The following SNX29 variants were observed in gnomAD, a reference collection of about 807,000 sequenced individuals.
SNX29 encodes the protein sorting nexin-29.
SNX29 carries 78 observed loss-of-function variants against 102.1 expected under a neutral mutation model. The observed-to-expected ratio is 0.76, with a 90% CI of 0.64 to 0.92. The LOEUF is 0.92. SNX29 is among the 40% of genes least tolerant of loss of function. The pLI, the probability that SNX29 is intolerant of heterozygous loss-of-function variation, is 0.00. For synonymous variants in SNX29, 580 were observed against 414.5 expected, an observed-to-expected ratio of 1.40 and a Z score of -4.85; for missense variants, 1,280 against 1,061.7, an observed-to-expected ratio of 1.21 and a Z score of -2.86.
intron 14 of SNX29, among the ~76,000 whole-genome samples, chr16:12,272,498 T>C (rs1405112383): frequency 6.6e-6 from 1 of 152,242 alleles, no homozygotes; most frequent in Non-Finnish European, 1.5e-5. Context: ...CCAAGGTATC[T>C]GTGTCCTGGT....
intron 10 of SNX29, among the ~76,000 whole-genome samples, chr16:12,073,557 T>C (rs1379261557): frequency 2.0e-5 from 3 of 152,234 alleles, no homozygotes; most frequent in African/African-American, 7.2e-5. Flanking sequence ...TTCTGTTCTT[T>C]TACATTTGCT....
chr16:12,555,122 A>G (rs552114085), intron 20 of SNX29, among the ~76,000 whole-genome samples: 2,314 of 118,234 alleles, frequency 0.02, 56 homozygotes, highest in African/African-American at 0.053. Flanking sequence ...CAGAGTATCA[A>G]AAGGCTTATT....
chr16:12,135,423 A>G (rs2054623823), intron 13 of SNX29: 2 of 962,682 alleles, frequency 2.1e-6, no homozygotes, highest in Non-Finnish European at 2.9e-6. Flanking sequence ...CCAGGCCTGG[A>G]CAGTTGGGTT....
At chr16:12,282,944 A>C (rs2079482128) in intron 15 of SNX29, among the ~76,000 whole-genome samples, 1 of 152,224 alleles carries the variant, frequency 6.6e-6, no homozygotes, top group Non-Finnish European at 1.5e-5. Flanking sequence ...GGCGTGAGCC[A>C]CTGCACTCGG....
At chr16:12,412,097 A>T (rs534181981) in intron 18 of SNX29, among the ~76,000 whole-genome samples, 1 of 152,286 alleles carries the variant, frequency 6.6e-6, no homozygotes, top group Non-Finnish European at 1.5e-5. Flanking sequence ...CCGAAGTTCA[A>T]GGGCGGTTAC....
At chr16:12,171,000 C>A (rs1003827536) in intron 13 of SNX29, among the ~76,000 whole-genome samples, 2 of 151,958 alleles carry the variant, frequency 1.3e-5, no homozygotes, top group Admixed American at 6.6e-5. Flanking sequence ...AGGGGCGCAG[C>A]GTGATTTTAC....
At chr16:12,121,476 G>A (rs9935275) in intron 11 of SNX29, among the ~76,000 whole-genome samples, 2,989 of 152,366 alleles carry the variant, frequency 0.02, 43 homozygotes, top group South Asian at 0.08. Flanking sequence ...TGGCCCTTGG[G>A]TAGCCGCCTT....
At chr16:12,094,158 C>T (rs1014672459) in intron 11 of SNX29, among the ~76,000 whole-genome samples, 3 of 152,138 alleles carry the variant, frequency 2.0e-5, no homozygotes, top group African/African-American at 7.2e-5. Flanking sequence ...CCCTCTGACA[C>T]AGTTGTGAGG....
chr16:12,571,946 A>T lies in SNX29; in HGVS notation c.*3317A>T, dbSNP rs1567230608. 2 of 1,061,888 alleles carry T rather than the reference A, an allele frequency of 1.9e-6. No individual in the cohort carries two copies. The highest frequency in any genetic ancestry group is 5.4e-5 in the Admixed American group (1 of 18,612). The allele number at this position is 1,061,888 out of a possible 1,614,324, so 65.8% of individuals were successfully genotyped here. A position where few individuals can be genotyped will look rare whatever the true frequency, so the allele number is the denominator to read the frequency against. On this transcript the variant is annotated 3_prime_UTR_variant, in exon 21 of 21. Coordinates refer to ENST00000566228, the MANE Select transcript of SNX29 (RefSeq NM_032167.5). Reference sequence around the variant, plus strand: ...CTGGTGAAGGAAGACACTTTCAGGGAAGAGGCTCTTACAGTCTATGGTGGT... The same window carrying T: ...CTGGTGAAGGAAGACACTTTCAGGGTAGAGGCTCTTACAGTCTATGGTGGT...
intron 15 of SNX29, among the ~76,000 whole-genome samples, chr16:12,286,008 A>G (rs73506141): frequency 0.032 from 4,819 of 152,006 alleles, 246 homozygotes; most frequent in African/African-American, 0.11. Context: ...ATGCTCAGCT[A>G]ATTTTTGTAT....
At chr16:12,533,492 A>C (rs981332670) in intron 20 of SNX29, among the ~76,000 whole-genome samples, 1 of 152,208 alleles carries the variant, frequency 6.6e-6, no homozygotes, top group Non-Finnish European at 1.5e-5. Flanking sequence ...GTTCCTGGAC[A>C]GACTTGTCAC....
intron 17 of SNX29, among the ~76,000 whole-genome samples, chr16:12,402,652 A>G (rs2083991355): frequency 6.6e-6 from 1 of 152,184 alleles, no homozygotes; most frequent in African/African-American, 2.4e-5. Flanking sequence ...TCACATAACC[A>G]AAATATCTGT....
chr16:12,400,623 G>A (rs892958203), intron 17 of SNX29, among the ~76,000 whole-genome samples: 2 of 152,162 alleles, frequency 1.3e-5, no homozygotes, highest in African/African-American at 4.8e-5. Context: ...ACCAAAGCAG[G>A]CCCTGGAAGT....
chr16:12,340,950 T>A (rs1474558893), intron 15 of SNX29, among the ~76,000 whole-genome samples: 1 of 152,194 alleles, frequency 6.6e-6, no homozygotes, highest in Non-Finnish European at 1.5e-5. Context: ...TACTTCACCA[T>A]GAGGTTATGA....
intron 13 of SNX29, among the ~76,000 whole-genome samples, chr16:12,164,120 A>C (rs1466765846): frequency 6.6e-6 from 1 of 152,060 alleles, no homozygotes; most frequent in East Asian, 1.9e-4. Flanking sequence ...AGGAGCCAAG[A>C]CTGGAAGGAT....
At chr16:12,074,657 C>T (rs2051462905) in intron 10 of SNX29, among the ~76,000 whole-genome samples, 1 of 152,158 alleles carries the variant, frequency 6.6e-6, no homozygotes, top group African/African-American at 2.4e-5. Context: ...AGTTGCTCTT[C>T]TCCAGGAGTA....
intron 14 of SNX29, among the ~76,000 whole-genome samples, chr16:12,253,030 A>G (rs2142400381): frequency 6.6e-6 from 1 of 152,162 alleles, no homozygotes; most frequent in South Asian, 2.1e-4. Context: ...TAGAGAAGCT[A>G]TTGGTATTTA....
At chr16:12,168,459 G>A (rs1439906699) in intron 13 of SNX29, among the ~76,000 whole-genome samples, 2 of 152,176 alleles carry the variant, frequency 1.3e-5, no homozygotes, top group Non-Finnish European at 2.9e-5. Flanking sequence ...TTGAATCTAA[G>A]CCCCATGTTG....
intron 16 of SNX29, among the ~76,000 whole-genome samples, chr16:12,378,316 T>TG (rs1455432011): frequency 6.6e-6 from 1 of 150,842 alleles, no homozygotes; most frequent in Non-Finnish European, 1.5e-5. Context: ...AGCAAGAGAG[T>TG]GGGGAGGTGC....
Sources: gnomAD v4.1 joint callset for allele counts (sites outside exome capture counted in the v4.1 genomes callset) on GRCh38, gnomAD v4.1.1 for gene constraint, MANE v1.5 for transcripts, NCBI Gene and HGNC (gene_info 2026-07-23, HGNC 2026-07-21) for gene names.